The following ADAMTS15 variants were observed in gnomAD, a reference collection of about 807,000 sequenced individuals.
ADAMTS15 encodes ADAM metallopeptidase with thrombospondin type 1 motif 15.
Under a neutral mutation model 79.1 loss-of-function variants are expected in ADAMTS15, and 35 were observed. That is an observed-to-expected ratio of 0.44 (90% CI 0.34 to 0.59). ADAMTS15 has a LOEUF of 0.59. Among genes scored for constraint, ADAMTS15 ranks in the 20% least tolerant of loss-of-function variants. The probability of loss-of-function intolerance (pLI) is 0.02; values close to 1 mark genes in which losing one functional copy is unlikely to be tolerated. For synonymous variants in ADAMTS15, 616 were observed against 567.3 expected (o/e 1.09, Z -1.22); for missense variants, 1,324 against 1,318.7 (o/e 1.00, Z -0.06).
At position 130,474,129 on chromosome 11, in the gene ADAMTS15, C is replaced by T. The variant is rs113413820; in HGVS notation, c.*308C>T. 6.4e-3 allele frequency: 1,993 copies of T among 309,912 alleles called. 12 individuals carry two copies. Among genetic ancestry groups the T allele is most frequent in the Non-Finnish European group, 9.8e-3 (1,646 of 168,404 alleles). The allele number at this position is 309,912 out of a possible 1,614,324, so 19.2% of individuals were successfully genotyped here. On this transcript the variant is annotated 3_prime_UTR_variant, in exon 8 of 8. Transcript: ENST00000299164. ...TTCCAAGGAACTTGGAGGATGGGCA[C>T]CTTCCAGGCAGAACTTCAGGGACCC...
chr11:130,470,119 C>CATATATATATATATATATATATATATAT (rs1208986843), intron 5 of ADAMTS15, among the ~76,000 whole-genome samples: 1 of 64,018 alleles, frequency 1.6e-5, no homozygotes, highest in African/African-American at 6.5e-5. Flanking sequence ...ATTACTGAAT[C>CATATATATATATATATATATATATATAT]ATATATATAT....
rs1938451567 is a variant in ADAMTS15, at chr11:130,471,300, C to T, written c.1995C>T (p.Ser665=). The T allele has an allele frequency of 6.2e-7, 1 of 1,613,082 alleles. No individual in the cohort carries two copies. Among genetic ancestry groups the T allele is most frequent in the Admixed American group, 1.7e-5 (1 of 59,658 alleles). The change falls in exon 7 of 8, where the codon TCC becomes TCT. Residue 665 remains serine (S), a synonymous_variant. Coordinates refer to ENST00000299164, the MANE Select transcript of ADAMTS15 (RefSeq NM_139055.4). ...CTGGCTGTGATGGGAACCTGGGCTCCAAGAAGAGATTCGACAAGTGTGGGG... is the reference window on the plus strand; with the variant it reads ...CTGGCTGTGATGGGAACCTGGGCTCTAAGAAGAGATTCGACAAGTGTGGGG... ...IKAGCDGNLG[S]KKRFDKCGVC...
intron 1 of ADAMTS15, among the ~76,000 whole-genome samples, chr11:130,451,755 G>T (rs1183049190): frequency 6.6e-6 from 1 of 152,202 alleles, no homozygotes; most frequent in Non-Finnish European, 1.5e-5. Flanking sequence ...AAGAACTCCT[G>T]CTGGGAATAG....
chr11:130,470,294 G>A (rs1938425160), intron 5 of ADAMTS15, among the ~76,000 whole-genome samples: 4 of 149,240 alleles, frequency 2.7e-5, no homozygotes, highest in East Asian at 2.0e-4. Flanking sequence ...TCGGCTCACT[G>A]CAACCTCAAC....
At chr11:130,460,032 T>C (rs2134724721) in intron 1 of ADAMTS15, among the ~76,000 whole-genome samples, 1 of 152,346 alleles carries the variant, frequency 6.6e-6, no homozygotes, top group Non-Finnish European at 1.5e-5. Context: ...TAAATAGGGC[T>C]GTGTGTGCAA....
Position 130,462,349 on chromosome 11 carries a change from T to A in ADAMTS15, c.1258+95T>A. On this transcript the variant is annotated intron_variant, in intron 3 of 7. Transcript: ENST00000299164. This position sits in a 1 kb window ranked among gnomAD's most constrained non-coding sequence, Gnocchi z 4.3. ...TGCTCACTTCTCCGTCCTCTGTACA[T>A]TAGGTGTGTGTGCCCCCTCGGAGCC... The A allele has an allele frequency of 6.7e-7, 1 of 1,498,494 alleles. No individual in the cohort carries two copies. Among genetic ancestry groups the A allele is most frequent in the Non-Finnish European group, 8.9e-7 (1 of 1,117,476 alleles). 92.8% of individuals were successfully genotyped at this position (1,498,494 alleles called of 1,614,324 possible).
In ADAMTS15 at chr11:130,462,017, T is replaced by C; in HGVS notation, c.1091-70T>C. ...TCTGACATGGGCTTTCTAGTTCCCC[T>C]GCCCCATTCCTCCCTCCAACCCCCA... On this transcript the variant is annotated intron_variant, in intron 2 of 7. Transcript: ENST00000299164. This position sits in a 1 kb window ranked among gnomAD's most constrained non-coding sequence, Gnocchi z 4.3. The C allele has an allele frequency of 9.8e-7, 1 of 1,023,530 alleles. No individual in the cohort carries two copies. The highest frequency in any genetic ancestry group is 1.9e-5 in the Admixed American group (1 of 52,278). The allele number at this position is 1,023,530 out of a possible 1,614,324, so 63.4% of individuals were successfully genotyped here.
chr11:130,467,935 C>T (rs777768389), intron 4 of ADAMTS15, among the ~76,000 whole-genome samples: 2 of 152,114 alleles, frequency 1.3e-5, no homozygotes, highest in Non-Finnish European at 2.9e-5. Flanking sequence ...AGCCCCTGAT[C>T]GAGGTTAAGA....
At chr11:130,461,841 C>T (rs572767289) in intron 2 of ADAMTS15, among the ~76,000 whole-genome samples, 33 of 152,298 alleles carry the variant, frequency 2.2e-4, no homozygotes, top group Non-Finnish European at 2.9e-5. Flanking sequence ...AGCACTTAGG[C>T]ACTGTGGGGA....
At chr11:130,470,166 A>ACATATATATATATG (rs1435065525) in intron 5 of ADAMTS15, among the ~76,000 whole-genome samples, 1 of 57,606 alleles carries the variant, frequency 1.7e-5, no homozygotes, top group African/African-American at 1.0e-4. Flanking sequence ...ATATATATAT[A>ACATATATATATATG]TATATATATA....
At position 130,473,840 on chromosome 11, in the gene ADAMTS15, C is replaced by A. The variant is rs986192489; in HGVS notation, c.*19C>A. On this transcript the variant is annotated 3_prime_UTR_variant, in exon 8 of 8. Coordinates refer to ENST00000299164, the MANE Select transcript of ADAMTS15 (RefSeq NM_139055.4). The stretch of plus-strand genomic sequence containing the variant: ...GTGCTGAGTGGGGTCATCGCTTTCT[C>A]CCCCTCACTCTCCACCCCACTGATA... 6.4e-7 allele frequency: 1 copy of A among 1,573,204 alleles called. No homozygotes were observed. The highest frequency in any genetic ancestry group is 1.1e-5 in the South Asian group (1 of 87,234).
At chr11:130,471,878 G>T (rs1287462212) in intron 7 of ADAMTS15, among the ~76,000 whole-genome samples, 1 of 152,246 alleles carries the variant, frequency 6.6e-6, no homozygotes, top group African/African-American at 2.4e-5. Flanking sequence ...CCTTGATGAG[G>T]CTGAACGTGA....
Position 130,462,264 on chromosome 11 carries a change from G to C in ADAMTS15, c.1258+10G>C. On this transcript the variant is annotated intron_variant, in intron 3 of 7. Transcript: ENST00000299164. The surrounding 1 kb of genome is among the most constrained non-coding windows in gnomAD (Gnocchi z 4.3). ...CTGGACAGCGGGCACGGTAAGCCAG[G>C]ACGGCGGGAGGGCAATGAGGCCGCC... 1 of 1,607,076 alleles carries C rather than the reference G, an allele frequency of 6.2e-7. No individual in the cohort carries two copies. Among genetic ancestry groups the C allele is most frequent in the South Asian group, 1.1e-5 (1 of 90,486 alleles).
Position 130,473,726 on chromosome 11 carries a change from T to C in ADAMTS15, c.2758T>C (p.Cys920Arg). The change falls in exon 8 of 8, where the codon TGT (cysteine) becomes CGT (arginine). Residue 920 changes from cysteine to arginine, a missense_variant. By Grantham distance (180) the Cys-to-Arg change is radical. Coordinates refer to ENST00000299164, the MANE Select transcript of ADAMTS15 (RefSeq NM_139055.4). Reference sequence around the variant, plus strand: ...GGGATTTCAGAGGCGCTCACTCAAGTGTGTGGGCCACGGAGGCCGGCTGCT... The same window carrying C: ...GGGATTTCAGAGGCGCTCACTCAAGCGTGTGGGCCACGGAGGCCGGCTGCT... ...GRGFQRRSLK[C>R]VGHGGRLLAR... 6.2e-7 allele frequency: 1 copy of C among 1,600,004 alleles called. No individual in the cohort carries two copies. Among genetic ancestry groups the C allele is most frequent in the Non-Finnish European group, 8.5e-7 (1 of 1,179,880 alleles).
chr11:130,462,016 C>T lies in ADAMTS15; in HGVS notation c.1091-71C>T, dbSNP rs1938209385. 2.2e-6 allele frequency: 3 copies of T among 1,375,298 alleles called. No individual in the cohort carries two copies. Among genetic ancestry groups the T allele is most frequent in the Middle Eastern group, 1.8e-4 (1 of 5,406 alleles). 85.2% of individuals were successfully genotyped at this position (1,375,298 alleles called of 1,614,324 possible). On this transcript the variant is annotated intron_variant, in intron 2 of 7. Transcript: ENST00000299164. This position sits in a 1 kb window ranked among gnomAD's most constrained non-coding sequence, Gnocchi z 4.3. ...CTCTGACATGGGCTTTCTAGTTCCC[C>T]TGCCCCATTCCTCCCTCCAACCCCC... is the stretch of plus-strand genomic sequence containing the variant.
At chr11:130,468,334 G>T (rs530805216) in intron 4 of ADAMTS15, among the ~76,000 whole-genome samples, 3 of 152,196 alleles carry the variant, frequency 2.0e-5, no homozygotes, top group Non-Finnish European at 4.4e-5. Context: ...GGCAGAGTCC[G>T]TTGAAAACAT....
chr11:130,459,015 C>T (rs1378953521), intron 1 of ADAMTS15, among the ~76,000 whole-genome samples: 2 of 151,638 alleles, frequency 1.3e-5, no homozygotes, highest in Non-Finnish European at 2.9e-5. Flanking sequence ...GTGAAGGTCC[C>T]CTCCCAAGTG....
intron 7 of ADAMTS15, 131 bp downstream of exon 7, chr11:130,471,514 C>T (rs1938458877): frequency 2.1e-6 from 2 of 958,746 alleles, no homozygotes; most frequent in South Asian, 2.0e-5. Context: ...CAGAGGCCAC[C>T]CATACCCTTC....
At position 130,449,344 on chromosome 11, in the gene ADAMTS15, G is replaced by T; in HGVS notation, c.371G>T (p.Arg124Leu). ...GCTGTGAGCCTGTGCGGGGGGCTCC[G>T]CGGAGCCTTTGGCTACCGAGGCGCC... ...FAAVSLCGGL[R>L]GAFGYRGAEY... The change falls in exon 1 of 8, where the codon CGC (arginine) becomes CTC (leucine). Residue 124 changes from arginine (R) to leucine (L), a missense_variant. By Grantham distance (102) the Arg-to-Leu change is moderately radical (BLOSUM62 -2). Coordinates refer to ENST00000299164, the MANE Select transcript of ADAMTS15 (RefSeq NM_139055.4). This position sits in a 1 kb window ranked among gnomAD's most constrained non-coding sequence, Gnocchi z 7.8. 6.2e-7 allele frequency: 1 copy of T among 1,608,048 alleles called. No homozygotes were observed.
Sources: allele counts gnomAD v4.1 joint callset (sites outside exome capture counted in the v4.1 genomes callset), GRCh38; gene constraint gnomAD v4.1.1; non-coding constraint Gnocchi (gnomAD v3.1); transcripts MANE v1.5; gene names NCBI Gene and HGNC (gene_info 2026-07-23, HGNC 2026-07-21).